Variants in WWP1 observed in about 807,000 individuals in gnomAD.
The protein encoded by WWP1 is NEDD4-like E3 ubiquitin-protein ligase WWP1.
WWP1 carries 49 observed loss-of-function variants against 130.6 expected under a neutral mutation model. The observed-to-expected ratio is 0.38, with a 90% CI of 0.30 to 0.48. The LOEUF (loss-of-function observed/expected upper bound fraction) is 0.48, where lower values mean the gene tolerates loss of function less well. Ranked by LOEUF, WWP1 falls within the 20% of genes least tolerant of loss-of-function variation. The pLI, the probability that WWP1 is intolerant of heterozygous loss-of-function variation, is 0.99. For synonymous variants in WWP1, 332 were observed against 367.8 expected, an observed-to-expected ratio of 0.90 and a Z score of 1.11; for missense variants, 809 against 1,100.6, an observed-to-expected ratio of 0.74 and a Z score of 3.75.
At chr8:86,368,554 C>G (rs1824104657) in intron 1 of WWP1, among the ~76,000 whole-genome samples, 1 of 152,040 alleles carries the variant, frequency 6.6e-6, no homozygotes, top group Non-Finnish European at 1.5e-5. Context: ...AGTTATTTTT[C>G]CAAAATGCAA....
At position 86,468,195 on chromosome 8, in the gene WWP1, C is replaced by T. The variant is rs902934387; in HGVS notation, c.*1302C>T. ...ATTAACTTAAACATTTTTTAATAGC[C>T]ATGGAACTGACTTCTTAAAATCTGT... On this transcript the variant is annotated 3_prime_UTR_variant, in exon 25 of 25. Coordinates refer to ENST00000517970, the MANE Select transcript of WWP1 (RefSeq NM_007013.4). 13 of 253,204 alleles carry T rather than the reference C, an allele frequency of 5.1e-5. No individual in the cohort carries two copies. Among genetic ancestry groups the T allele is most frequent in the Non-Finnish European group, 9.4e-5 (12 of 128,104 alleles). The allele number at this position is 253,204 out of a possible 1,614,324, so 15.7% of individuals were successfully genotyped here.
intron 5 of WWP1, among the ~76,000 whole-genome samples, chr8:86,388,166 T>A (rs1002932474): frequency 6.6e-6 from 1 of 152,134 alleles, no homozygotes; most frequent in Non-Finnish European, 1.5e-5. Flanking sequence ...TGCCTTTTTT[T>A]TTTTTTTAAA....
At chr8:86,357,815 A>G (rs907161956) in intron 1 of WWP1, among the ~76,000 whole-genome samples, 2 of 152,226 alleles carry the variant, frequency 1.3e-5, no homozygotes, top group Non-Finnish European at 2.9e-5. Flanking sequence ...ATGCACACAA[A>G]TAAGTATTGG....
chr8:86,453,458 G>A (rs1039695251), intron 21 of WWP1, among the ~76,000 whole-genome samples: 1 of 152,138 alleles, frequency 6.6e-6, no homozygotes, highest in Non-Finnish European at 1.5e-5. Flanking sequence ...AGGGACCTTT[G>A]TGTGGCTTCC....
chr8:86,393,194 T>A (rs894302081), intron 5 of WWP1, among the ~76,000 whole-genome samples: 1 of 152,158 alleles, frequency 6.6e-6, no homozygotes, highest in Non-Finnish European at 1.5e-5. Context: ...TTAGCCTTTT[T>A]ATTTTTTAAT....
chr8:86,465,091 G>T lies in WWP1; in HGVS notation c.2670-1703G>T, dbSNP rs188399584. ...AGGAAAAACTTTTGAGAGAAAGAAG[G>T]AATTGGGAGAATTGTTAGAGAATAG... On this transcript the variant is annotated intron_variant, in intron 24 of 24. Coordinates refer to ENST00000517970, the MANE Select transcript of WWP1 (RefSeq NM_007013.4). Among the ~76,000 whole-genome samples, 493 of 152,224 alleles carry T rather than the reference G, an allele frequency of 3.2e-3. 4 individuals carry two copies. Among genetic ancestry groups the T allele is most frequent in the African/African-American group, 0.011 (452 of 41,538 alleles).
chr8:86,369,468 T>C (rs1055980802), intron 2 of WWP1, among the ~76,000 whole-genome samples: 3 of 152,124 alleles, frequency 2.0e-5, no homozygotes, highest in Admixed American at 2.0e-4. Context: ...AAAGGGTTTA[T>C]ATAGAATAAA....
intron 7 of WWP1, among the ~76,000 whole-genome samples, chr8:86,401,727 T>G (rs1440592236): frequency 6.6e-6 from 1 of 152,156 alleles, no homozygotes; most frequent in Non-Finnish European, 1.5e-5. Context: ...TATTTTGACT[T>G]AGTATGTTTG....
chr8:86,427,163 C>CA (rs750674032), intron 10 of WWP1, among the ~76,000 whole-genome samples: 21,502 of 127,348 alleles, frequency 0.17, 1,614 homozygotes, highest in Non-Finnish European at 0.21. Context: ...AACGCCATCT[C>CA]AAAAAAAAAA....
At chr8:86,422,228 G>A (rs993934151) in intron 9 of WWP1, among the ~76,000 whole-genome samples, 2 of 151,844 alleles carry the variant, frequency 1.3e-5, no homozygotes, top group African/African-American at 4.8e-5. Flanking sequence ...CTGCCTTCTC[G>A]AGTTCTTGTG....
intron 1 of WWP1, among the ~76,000 whole-genome samples, chr8:86,353,567 A>G (rs1195150704): frequency 6.6e-6 from 1 of 151,874 alleles, no homozygotes; most frequent in Non-Finnish European, 1.5e-5. Context: ...GTCTCAGCTC[A>G]CTGCAACCTC....
In WWP1 at chr8:86,461,311, G is replaced by C. The variant is rs765094785; in HGVS notation, c.2587G>C (p.Glu863Gln). Residue 863 changes from glutamate (E) to glutamine (Q), a missense_variant, in exon 23 of 25, where the codon GAG becomes CAG. Around this residue, in one of 3 missense-constraint regions of WWP1, gnomAD observed 450 missense variants for 674.2 expected, o/e 0.67. Transcript: ENST00000517970. ...TCRLPLGGFA[E>Q]LMGSNGPQKF... ...CCGTTTACCTCTAGGAGGATTTGCT[G>C]AGCTCATGGGTAAATGTAATTTCAC... The C allele has an allele frequency of 6.2e-7, 1 of 1,613,556 alleles. No individual in the cohort carries two copies. The highest frequency in any genetic ancestry group is 1.1e-5 in the South Asian group (1 of 91,062).
At chr8:86,429,548 T>G (rs1485330661) in intron 11 of WWP1, among the ~76,000 whole-genome samples, 1 of 152,176 alleles carries the variant, frequency 6.6e-6, no homozygotes, top group Non-Finnish European at 1.5e-5. Context: ...TATTTCTAGG[T>G]TATAAGAATG....
At chr8:86,442,292 G>A in intron 17 of WWP1, 1 of 167,476 alleles carries the variant, frequency 6.0e-6, no homozygotes, top group Admixed American at 6.2e-5. Context: ...CAAATACACT[G>A]GAAATTGCCT....
chr8:86,375,621 A>G (rs527333562), intron 3 of WWP1, among the ~76,000 whole-genome samples: 1 of 152,102 alleles, frequency 6.6e-6, no homozygotes, highest in East Asian at 1.9e-4. Flanking sequence ...ATTCTTTTTC[A>G]TCATTGCGCC....
At chr8:86,459,778 T>C (rs963664032) in intron 22 of WWP1, among the ~76,000 whole-genome samples, 5 of 152,230 alleles carry the variant, frequency 3.3e-5, no homozygotes, top group Non-Finnish European at 7.3e-5. Context: ...GCTTTCTGTT[T>C]ACACATTTGT....
At chr8:86,402,691 G>A (rs1563500289) in intron 8 of WWP1, among the ~76,000 whole-genome samples, 1 of 152,148 alleles carries the variant, frequency 6.6e-6, no homozygotes, top group Non-Finnish European at 1.5e-5. Flanking sequence ...GATTATTTAG[G>A]AAGATATTTC....
chr8:86,370,286 A>T (rs1223543370), intron 2 of WWP1, among the ~76,000 whole-genome samples: 1 of 152,246 alleles, frequency 6.6e-6, no homozygotes, highest in African/African-American at 2.4e-5. Flanking sequence ...TTGAGCAGAC[A>T]TAAAAATAGA....
At chr8:86,397,811 G>A (rs1361868540) in intron 5 of WWP1, among the ~76,000 whole-genome samples, 1 of 152,142 alleles carries the variant, frequency 6.6e-6, no homozygotes, top group Non-Finnish European at 1.5e-5. Context: ...CATTTATCGA[G>A]CACTTATAAA....
Sources: gnomAD v4.1 joint callset for allele counts (sites outside exome capture counted in the v4.1 genomes callset) on GRCh38, gnomAD v4.1.1 for gene constraint, gnomAD v4.1.1 regional missense constraint, MANE v1.5 for transcripts, NCBI Gene and HGNC (gene_info 2026-07-23, HGNC 2026-07-21) for gene names.